The following CS variants were observed in gnomAD, a reference collection of about 807,000 sequenced individuals.
CS encodes the protein citrate synthase.
CS carries 13 observed loss-of-function variants against 61.4 expected under a neutral mutation model. The observed-to-expected ratio is 0.21, with a 90% CI of 0.14 to 0.34. CS has a LOEUF of 0.34. Ranked by LOEUF, CS falls within the 10% of genes least tolerant of loss-of-function variation. The pLI, the probability that CS is intolerant of heterozygous loss-of-function variation, is 1.00. For synonymous variants in CS, 159 were observed against 215.2 expected (o/e 0.74, Z 2.29); for missense variants, 278 against 573.4 (o/e 0.48, Z 5.26).
rs1565620524 is a variant in CS at position 56,280,415 on chromosome 12, C to CAAA, written c.588+2004_588+2005insTTT. On this transcript the variant is annotated intron_variant, in intron 6 of 10. Transcript: ENST00000351328. ...GGGTGACAGTGCAAGACACCGTCTC[C>CAAA]CAAAAAAAACAAAAAAAAAAAACAA... Among the ~76,000 whole-genome samples the CAAA allele has an allele frequency of 1.7e-3, 19 of 11,440 alleles. 1 individual carries two copies. The highest frequency in any genetic ancestry group is 1.8e-3 in the African/African-American group (19 of 10,480). 7.5% of individuals were successfully genotyped at this position (11,440 alleles called of 152,430 possible).
chr12:56,277,363 G>A (rs182963805), intron 6 of CS, among the ~76,000 whole-genome samples: 6,842 of 146,306 alleles, frequency 0.047, 220 homozygotes, highest in Non-Finnish European at 0.069. Context: ...GCCAGGCGTG[G>A]TGGTGGGCGC....
At position 56,273,795 on chromosome 12, in the gene CS, A is replaced by G; in HGVS notation, c.1022T>C (p.Val341Ala). 1 of 1,612,204 alleles carries G rather than the reference A, an allele frequency of 6.2e-7. No homozygotes were observed. The highest frequency in any genetic ancestry group is 8.5e-7 in the Non-Finnish European group (1 of 1,178,254). The change falls in exon 10 of 11, where the codon GTT becomes GCT. Residue 341 changes from valine to alanine, a missense_variant and splice_region_variant. By Grantham distance (64) the Val-to-Ala change is moderately conservative. Around this residue, in one of 2 missense-constraint regions of CS, gnomAD observed 223 missense variants for 503.5 expected, o/e 0.44. Coordinates refer to ENST00000351328, the MANE Select transcript of CS (RefSeq NM_004077.3). The part of the protein sequence containing the change: ...YIWNTLNSGR[V>A]VPGYGHAVLR... ...TACTGCATGGCCATAGCCTGGAACA[A>G]CCTGTAAAGAGTGAGGAAAAAAGAT...
chr12:56,280,440 A>AAAAAAAACCC lies in CS; in HGVS notation c.588+1979_588+1980insGGGTTTTTTT, dbSNP rs1555162652. On this transcript the variant is annotated intron_variant, in intron 6 of 10. Coordinates refer to ENST00000351328, the MANE Select transcript of CS (RefSeq NM_004077.3). ...CCAAAAAAAACAAAAAAAAAAAACA[A>AAAAAAAACCC]AAAAATTAGCCAGGAGTGGTGGTGT... 2.5e-3 allele frequency among the ~76,000 whole-genome samples: 303 copies of AAAAAAAACCC among 119,824 alleles called. 8 individuals carry two copies. Among genetic ancestry groups the AAAAAAAACCC allele is most frequent in the Non-Finnish European group, 4.3e-3 (251 of 58,888 alleles). The allele number at this position is 119,824 out of a possible 152,430, so 78.6% of individuals were successfully genotyped here.
chr12:56,285,596 C>T (rs1479588481), intron 3 of CS, among the ~76,000 whole-genome samples: 1 of 152,142 alleles, frequency 6.6e-6, no homozygotes, highest in Non-Finnish European at 1.5e-5. Flanking sequence ...TGTTTGATTC[C>T]TTTTCTTATT....
intron 1 of CS, chr12:56,299,779 C>T: frequency 8.6e-6 from 2 of 233,500 alleles, no homozygotes; most frequent in South Asian, 9.4e-5. Flanking sequence ...CCGCTCCCTC[C>T]ACCAAACTGA....
chr12:56,277,844 G>T (rs1264880204), intron 6 of CS, among the ~76,000 whole-genome samples: 4 of 151,884 alleles, frequency 2.6e-5, no homozygotes. Flanking sequence ...GGTCAGGTTA[G>T]TCTTGAACTC....
chr12:56,273,496 GCTCTGA>G, intron 10 of CS, 85 bp downstream of exon 10: 1 of 1,310,748 alleles, frequency 7.6e-7, no homozygotes, highest in Non-Finnish European at 1.1e-6. Context: ...GGAAGTCCCT[GCTCTGA>G]CTAGGAGTTA....
chr12:56,291,409 T>C, intron 1 of CS: 1 of 401,694 alleles, frequency 2.5e-6, no homozygotes, highest in Non-Finnish European at 3.5e-6. Flanking sequence ...TTTAAGGGCT[T>C]CTTGACCAAG....
intron 1 of CS, among the ~76,000 whole-genome samples, chr12:56,298,972 G>A (rs1405392240): frequency 4.6e-5 from 7 of 151,938 alleles, no homozygotes; most frequent in African/African-American, 1.7e-4. Flanking sequence ...AGCCCAGGAG[G>A]TGGAGGCTGC....
intron 1 of CS, among the ~76,000 whole-genome samples, chr12:56,299,613 C>T (rs1390253104): frequency 6.6e-6 from 1 of 152,192 alleles, no homozygotes; most frequent in African/African-American, 2.4e-5. Context: ...AGAGGAGGGC[C>T]TGAAGGACCC....
chr12:56,273,941 C>T, intron 9 of CS, 145 bp from the exon 10 acceptor site: 1 of 669,478 alleles, frequency 1.5e-6, no homozygotes, highest in Non-Finnish European at 2.6e-6. Context: ...TCAGGCAATT[C>T]TCCCACTTCA....
At chr12:56,287,558 C>T (rs1441691475) in intron 1 of CS, among the ~76,000 whole-genome samples, 1 of 141,376 alleles carries the variant, frequency 7.1e-6, no homozygotes, top group Non-Finnish European at 1.5e-5. Flanking sequence ...TCTGTGTGTA[C>T]AGGTAGTTTC....
chr12:56,278,104 G>T (rs74326137), intron 6 of CS, among the ~76,000 whole-genome samples: 2,842 of 152,244 alleles, frequency 0.019, 88 homozygotes, highest in African/African-American at 0.065. Flanking sequence ...TAGCCAAGAA[G>T]CGTTACCTAG....
chr12:56,285,582 CCT>C (rs1872917245), intron 3 of CS, among the ~76,000 whole-genome samples: 1 of 152,198 alleles, frequency 6.6e-6, no homozygotes, highest in African/African-American at 2.4e-5. Flanking sequence ...GCCATTGCGC[CCT>C]CTGTTTGATT....
At chr12:56,279,534 A>G (rs1317713046) in intron 6 of CS, among the ~76,000 whole-genome samples, 1 of 151,832 alleles carries the variant, frequency 6.6e-6, no homozygotes, top group Non-Finnish European at 1.5e-5. Context: ...TTGGAGGCTG[A>G]GGCGGGTGGA....
In CS at chr12:56,300,319, G is replaced by T. The variant is rs1281839490; in HGVS notation, c.-118C>A. Reference sequence around the variant, plus strand: ...CGACGGGTTGACAAGGTTGAAAGGAGGCGGCTGAAGGAAAGAGTAGACGAA... The same window carrying T: ...CGACGGGTTGACAAGGTTGAAAGGATGCGGCTGAAGGAAAGAGTAGACGAA... On this transcript the variant is annotated 5_prime_UTR_variant, in exon 1 of 11. Transcript: ENST00000351328. 1 of 1,133,840 alleles carries T rather than the reference G, an allele frequency of 8.8e-7. No homozygotes were observed. Among genetic ancestry groups the T allele is most frequent in the Non-Finnish European group, 1.2e-6 (1 of 800,538 alleles). The allele number at this position is 1,133,840 out of a possible 1,614,324, so 70.2% of individuals were successfully genotyped here.
At chr12:56,291,324 A>C (rs1004843624) in intron 1 of CS, 2 of 965,358 alleles carry the variant, frequency 2.1e-6, no homozygotes, top group Middle Eastern at 2.8e-4. Flanking sequence ...ATACAAAATA[A>C]AGTCCCAATT....
intron 2 of CS, chr12:56,286,312 A>G: frequency 3.8e-6 from 2 of 530,594 alleles, no homozygotes; most frequent in Non-Finnish European, 3.3e-6. Context: ...ATACTTAAAA[A>G]TGATTAAAAT....
intron 2 of CS, chr12:56,286,352 C>T (rs1025129409): frequency 1.3e-5 from 7 of 534,058 alleles, no homozygotes; most frequent in African/African-American, 1.9e-5. Flanking sequence ...ATATTTTACA[C>T]TACTTAAAAC....
Sources: allele counts gnomAD v4.1 joint callset (sites outside exome capture counted in the v4.1 genomes callset), GRCh38; gene constraint gnomAD v4.1.1; regional missense constraint gnomAD v4.1.1; transcripts MANE v1.5; gene names NCBI Gene and HGNC (gene_info 2026-07-23, HGNC 2026-07-21).